Variants in HPD observed in about 807,000 individuals in gnomAD.
HPD encodes the protein 4-hydroxyphenylpyruvic acid oxidase.
In HPD, 35 loss-of-function variants were observed where a neutral mutation model predicts 56.9. That is an observed-to-expected ratio of 0.62 (90% CI 0.47 to 0.82). The LOEUF is 0.82. HPD is among the 40% of genes least tolerant of loss of function. The pLI is 0.00. For missense variants in HPD, 442 were observed against 506.8 expected (o/e 0.87, Z 1.23); for synonymous variants, 186 against 200.2 (o/e 0.93, Z 0.60).
upstream of HPD, among the ~76,000 whole-genome samples, chr12:121,865,592 G>GA (rs1878306128): frequency 6.6e-4 from 80 of 121,772 alleles, no homozygotes; most frequent in East Asian, 3.8e-3. Context: ...TCAAAAAAAA[G>GA]GAAAAAAAAA....
intron 5 of HPD, 80 bp downstream of exon 5, chr12:121,856,503 C>T: frequency 1.3e-6 from 2 of 1,595,036 alleles, no homozygotes; most frequent in Non-Finnish European, 1.7e-6. Context: ...CAGAGCCCAC[C>T]CACGGAGCCA....
intron 11 of HPD, among the ~76,000 whole-genome samples, chr12:121,845,065 C>G (rs74832267): frequency 1.3e-5 from 2 of 148,286 alleles, no homozygotes; most frequent in Admixed American, 6.6e-5. Context: ...GCCTAGAAGA[C>G]AGAGCAAGAC....
chr12:121,840,979 A>T (rs1877386900), intron 12 of HPD, among the ~76,000 whole-genome samples: 1 of 151,570 alleles, frequency 6.6e-6, no homozygotes, highest in African/African-American at 2.4e-5. Flanking sequence ...GAATCACCCG[A>T]GGTCAGGAGT....
At chr12:121,850,674 T>C (rs1342536953) in intron 7 of HPD, among the ~76,000 whole-genome samples, 2 of 143,576 alleles carry the variant, frequency 1.4e-5, no homozygotes, top group Non-Finnish European at 3.0e-5. Flanking sequence ...ATTACAGGCA[T>C]GAGCCACTGT....
intron 4 of HPD, chr12:121,857,063 T>G: frequency 2.0e-6 from 1 of 511,762 alleles, no homozygotes; most frequent in Non-Finnish European, 3.5e-6. Flanking sequence ...GTTGTTGTTG[T>G]TGGGGTTTTT....
intron 11 of HPD, among the ~76,000 whole-genome samples, chr12:121,844,284 A>C (rs1877502974): frequency 6.6e-6 from 1 of 151,894 alleles, no homozygotes; most frequent in Non-Finnish European, 1.5e-5. Flanking sequence ...ACCTCAGGCG[A>C]TCCACCTACC....
chr12:121,856,262 T>C lies in HPD; in HGVS notation c.324+62A>G, dbSNP rs992917095. On this transcript the variant is annotated intron_variant, in intron 6 of 13. Coordinates refer to ENST00000289004, the MANE Select transcript of HPD (RefSeq NM_002150.3). ...GCAGCAGTGTCCTTCCAGCCCTGAC[T>C]GATGGGGTCCCCATGGCAGACGGAG... The C allele has an allele frequency of 1.2e-5, 16 of 1,311,532 alleles. No individual in the cohort carries two copies. In the Admixed American group the frequency reaches 1.7e-4, roughly 14 times the overall value. 81.2% of individuals were successfully genotyped at this position (1,311,532 alleles called of 1,614,324 possible).
rs752639260 is a variant in HPD, at chr12:121,856,578, C to T, written c.241+5G>A. The T allele has an allele frequency of 6.2e-7, 1 of 1,614,098 alleles. No individual in the cohort carries two copies. The highest frequency in any genetic ancestry group is 8.5e-7 in the Non-Finnish European group (1 of 1,179,966). The stretch of plus-strand genomic sequence containing the variant: ...CCATGCGTCCACCCTCCCCGGGCAC[C>T]TCACCTTTGTTCCAGGGGTTGAGCG... On this transcript the variant is annotated splice_donor_5th_base_variant and intron_variant, in intron 5 of 13. Coordinates refer to ENST00000289004, the MANE Select transcript of HPD (RefSeq NM_002150.3).
At chr12:121,886,755 T>C in the HPD span, among the ~76,000 whole-genome samples, 16 of 152,282 alleles carry the variant, frequency 1.1e-4, no homozygotes, top group East Asian at 3.1e-3. Context: ...ACTGATATAC[T>C]ATAATTTAAT....
chr12:121,846,256 G>A (rs1170810224), intron 11 of HPD, among the ~76,000 whole-genome samples: 2 of 151,800 alleles, frequency 1.3e-5, no homozygotes, highest in African/African-American at 4.8e-5. Flanking sequence ...CACTCTTGTC[G>A]CCCAGGCTGT....
the HPD span, among the ~76,000 whole-genome samples, chr12:121,869,616 C>T: frequency 6.7e-6 from 1 of 149,752 alleles, no homozygotes; most frequent in African/African-American, 2.5e-5. Context: ...CCTCTGCCTC[C>T]TGGGTTCAAG....
rs986802846 is a variant in HPD, at chr12:121,858,680, T to A, written c.30+7A>T. 6.2e-7 allele frequency: 1 copy of A among 1,614,084 alleles called. No homozygotes were observed. Among genetic ancestry groups the A allele is most frequent in the Non-Finnish European group, 8.5e-7 (1 of 1,179,916 alleles). On this transcript the variant is annotated splice_region_variant and intron_variant, in intron 2 of 13. Coordinates refer to ENST00000289004, the MANE Select transcript of HPD (RefSeq NM_002150.3). ...GCCCCTACATTTCCCACATTTCGCCTGCTTACCTTTGCCCCTTTGTCACTG... is the reference window on the plus strand; with the variant it reads ...GCCCCTACATTTCCCACATTTCGCCAGCTTACCTTTGCCCCTTTGTCACTG...
At chr12:121,856,829 GAGGAACTGCT>G (rs1878019595) in intron 4 of HPD, 2 of 627,136 alleles carry the variant, frequency 3.2e-6, no homozygotes, top group Admixed American at 5.0e-5. Flanking sequence ...TGGATCCTCA[GAGGAACTGCT>G]AGGTCAGGTC....
intron 11 of HPD, 80 bp from the exon 12 acceptor site, chr12:121,843,912 G>T: frequency 1.9e-6 from 3 of 1,561,286 alleles, no homozygotes; most frequent in Non-Finnish European, 8.8e-7. Flanking sequence ...TGGGTCATCA[G>T]GATACAGGGT....
At chr12:121,881,369 C>T in the HPD span, among the ~76,000 whole-genome samples, 34 of 152,172 alleles carry the variant, frequency 2.2e-4, 1 homozygote, top group South Asian at 2.1e-4. Context: ...CTTCAGCCAA[C>T]CTGAGACCCT....
intron 12 of HPD, among the ~76,000 whole-genome samples, chr12:121,842,297 A>T (rs1877432498): frequency 6.7e-6 from 1 of 150,354 alleles, no homozygotes; most frequent in South Asian, 2.1e-4. Context: ...CTAATTTTTT[A>T]AAACTGTTTT....
chr12:121,869,902 AG>A, the HPD span, among the ~76,000 whole-genome samples: 68 of 152,236 alleles, frequency 4.5e-4, no homozygotes, highest in African/African-American at 1.5e-3. Flanking sequence ...CCTGTTCTTC[AG>A]TCACTTGTGC....
upstream of HPD, among the ~76,000 whole-genome samples, chr12:121,865,467 G>A (rs916212313): frequency 4.0e-5 from 6 of 149,792 alleles, no homozygotes; most frequent in African/African-American, 1.2e-4. Flanking sequence ...ATGGGGTTTC[G>A]TCATGTTGGC....
the HPD span, among the ~76,000 whole-genome samples, chr12:121,887,218 A>ATTTT: frequency 2.1e-5 from 3 of 142,986 alleles, no homozygotes; most frequent in Non-Finnish European, 3.1e-5. Flanking sequence ...ATTAATTATT[A>ATTTT]TTTTTTTTTT....
Sources: gnomAD v4.1 joint callset for allele counts (sites outside exome capture counted in the v4.1 genomes callset) on GRCh38, gnomAD v4.1.1 for gene constraint, MANE v1.5 for transcripts, NCBI Gene and HGNC (gene_info 2026-07-23, HGNC 2026-07-21) for gene names.